RUBCN: variants seen among roughly 807,000 people sequenced by gnomAD.
RUBCN encodes the protein rubicon autophagy regulator, also known as run domain Beclin-1-interacting and cysteine-rich domain-containing protein.
Under a neutral mutation model 113.2 loss-of-function variants are expected in RUBCN, and 74 were observed. The ratio of observed to expected loss-of-function variants is 0.65; its 90% CI spans 0.54 to 0.79. The LOEUF (loss-of-function observed/expected upper bound fraction) is 0.79, where lower values mean the gene tolerates loss of function less well. Among genes scored for constraint, RUBCN ranks in the 30% least tolerant of loss-of-function variants. The probability of loss-of-function intolerance (pLI) is 0.00; values close to 1 mark genes in which losing one functional copy is unlikely to be tolerated. For missense variants in RUBCN, 1,109 were observed against 1,251.7 expected (o/e 0.89, Z 1.72); for synonymous variants, 480 against 490.0 (o/e 0.98, Z 0.27).
chr3:197,730,364 C>T (rs1010373979), intron 1 of RUBCN, among the ~76,000 whole-genome samples: 1 of 152,094 alleles, frequency 6.6e-6, no homozygotes, highest in Admixed American at 6.6e-5. Flanking sequence ...GAGTCAGCCC[C>T]GGGATTTTTG....
chr3:197,749,482 G>C (rs1728910737), exon 1 of RUBCN: 4 of 1,281,942 alleles, frequency 3.1e-6, no homozygotes, highest in Non-Finnish European at 4.1e-6. Context: ...GGAGGGGGGA[G>C]CTGGGATGCA....
chr3:197,703,429 A>T, intron 5 of RUBCN, 119 bp downstream of exon 5: 1 of 474,032 alleles, frequency 2.1e-6, no homozygotes, highest in Non-Finnish European at 3.9e-6. Context: ...AAAAAAAAAA[A>T]AAATGCAAGC....
chr3:197,682,677 G>A, intron 13 of RUBCN, 62 bp from the exon 14 acceptor site: 2 of 1,607,912 alleles, frequency 1.2e-6, no homozygotes, highest in Non-Finnish European at 1.7e-6. Flanking sequence ...CATCTGGTGA[G>A]ATGGGCAGTG....
Position 197,678,473 on chromosome 3 carries a change from C to G in RUBCN, c.2431-932G>C, listed in dbSNP as rs1378174079. Among the ~76,000 whole-genome samples, 4 of 151,826 alleles carry G rather than the reference C, an allele frequency of 2.6e-5. No individual in the cohort carries two copies. In the East Asian group the frequency reaches 7.8e-4, roughly 30 times the overall value. ...GCTCTAACTGACAACTGGCTTCAGA[C>G]TGTCCTACGCTCTAACTGACAACTG... On this transcript the variant is annotated intron_variant, in intron 16 of 19. Coordinates refer to ENST00000296343, the MANE Select transcript of RUBCN (RefSeq NM_014687.4).
chr3:197,681,225 C>A lies in RUBCN; in HGVS notation c.2334G>T (p.Lys778Asn). Residue 778 changes from lysine (K) to asparagine (N), a missense_variant, in exon 16 of 20, where the codon AAG becomes AAT. Transcript: ENST00000296343. This position sits in a 1 kb window ranked among gnomAD's most constrained non-coding sequence, Gnocchi z 5.5. ...CATTCCAGATCTTAATGAGCAGGTC[C>A]TTGGAGAAGTTGCTGACGTAGTACT... ...FSKYYVSNFS[K>N]DLLIKIWNDP... is the part of the protein sequence containing the mutation. 2 of 1,614,116 alleles carry A rather than the reference C, an allele frequency of 1.2e-6. No homozygotes were observed. The highest frequency in any genetic ancestry group is 1.7e-6 in the Non-Finnish European group (2 of 1,179,996).
At chr3:197,729,572 G>GT (rs1490127498) in intron 1 of RUBCN, among the ~76,000 whole-genome samples, 1 of 151,862 alleles carries the variant, frequency 6.6e-6, no homozygotes, top group Non-Finnish European at 1.5e-5. Flanking sequence ...GTTTTGTTCT[G>GT]TTTTTTGAGA....
intron 11 of RUBCN, chr3:197,691,164 G>T (rs1480443314): frequency 2.3e-5 from 28 of 1,203,394 alleles, no homozygotes; most frequent in Non-Finnish European, 3.0e-5. Flanking sequence ...TAATAATGAT[G>T]ATAAAAGGGG....
intron 1 of RUBCN, among the ~76,000 whole-genome samples, chr3:197,742,146 C>T (rs1409531967): frequency 6.6e-6 from 1 of 151,960 alleles, no homozygotes; most frequent in African/African-American, 2.4e-5. Context: ...CTGCCCACCT[C>T]GGCCTCCCAA....
chr3:197,736,559 C>A (rs1383215999), intron 1 of RUBCN, 96 bp downstream of exon 1: 7 of 1,271,096 alleles, frequency 5.5e-6, no homozygotes, highest in Non-Finnish European at 7.7e-6. Context: ...AGACTCGTCG[C>A]GCCCGGCCCT....
intron 1 of RUBCN, among the ~76,000 whole-genome samples, chr3:197,725,269 G>A (rs2108980847): frequency 6.6e-6 from 1 of 152,072 alleles, no homozygotes; most frequent in East Asian, 1.9e-4. Flanking sequence ...GAGGTAGCGA[G>A]AGACTATCAC....
rs1395641067 is a variant in RUBCN, at chr3:197,675,449, C to G, written c.2713G>C (p.Glu905Gln). ...QNEDDIIFPF[E>Q]LHKCRTCEEC... ...TCACAGGTCCGGCACTTATGGAGCT[C>G]AAAGGGAAAGATGATGTCATCCTCA... The change falls in exon 19 of 20, where the codon GAG (glutamate) becomes CAG (glutamine). Residue 905 changes from glutamate to glutamine, a missense_variant. By Grantham distance (29) the Glu-to-Gln change is conservative. Coordinates refer to ENST00000296343, the MANE Select transcript of RUBCN (RefSeq NM_014687.4). This position sits in a 1 kb window ranked among gnomAD's most constrained non-coding sequence, Gnocchi z 4.4. The G allele has an allele frequency of 1.9e-6, 3 of 1,613,904 alleles. No homozygotes were observed. The highest frequency in any genetic ancestry group is 2.5e-6 in the Non-Finnish European group (3 of 1,180,024).
intron 7 of RUBCN, 131 bp from the exon 8 acceptor site, chr3:197,697,180 C>T (rs1723108796): frequency 7.4e-6 from 5 of 673,212 alleles, no homozygotes; most frequent in Non-Finnish European, 1.4e-5. Flanking sequence ...AGGCGGCACA[C>T]CAACGGAACA....
At chr3:197,728,527 C>T (rs897602465) in intron 1 of RUBCN, among the ~76,000 whole-genome samples, 1 of 152,068 alleles carries the variant, frequency 6.6e-6, no homozygotes, top group African/African-American at 2.4e-5. Context: ...AGGAGAAATG[C>T]GAAGAAAGTG....
intron 2 of RUBCN, among the ~76,000 whole-genome samples, chr3:197,709,283 T>G (rs186847092): frequency 6.6e-6 from 1 of 152,148 alleles, no homozygotes. Flanking sequence ...GAACAAATGT[T>G]TGCATGTTGA....
chr3:197,681,414 A>G lies in RUBCN; in HGVS notation c.2192-47T>C. Reference sequence around the variant, plus strand: ...AAAGCCAGATGTAACTTTCCCATCTACAAGCTGGGAAGGCAGCTCTGCTTT... The same window carrying G: ...AAAGCCAGATGTAACTTTCCCATCTGCAAGCTGGGAAGGCAGCTCTGCTTT... On this transcript the variant is annotated intron_variant, in intron 15 of 19. Transcript: ENST00000296343. The surrounding 1 kb of genome is among the most constrained non-coding windows in gnomAD (Gnocchi z 5.5). 7.0e-7 allele frequency: 1 copy of G among 1,425,088 alleles called. No homozygotes were observed. The highest frequency in any genetic ancestry group is 9.9e-7 in the Non-Finnish European group (1 of 1,008,900). 88.3% of individuals were successfully genotyped at this position (1,425,088 alleles called of 1,614,324 possible). A position where few individuals can be genotyped will look rare whatever the true frequency, so the allele number is the denominator to read the frequency against.
rs965282671 is a variant in RUBCN at position 197,701,584 on chromosome 3, G to T, written c.727+124C>A. 2.8e-5 allele frequency: 22 copies of T among 790,482 alleles called. No homozygotes were observed. In the Admixed American group the frequency reaches 4.0e-4, roughly 15 times the overall value. The allele number at this position is 790,482 out of a possible 1,614,324, so 49.0% of individuals were successfully genotyped here. A position where few individuals can be genotyped will look rare whatever the true frequency, so the allele number is the denominator to read the frequency against. ...TAGTCACTATATAACTTGTAAAGAT[G>T]TCCCTTATTAAGAAAAACTACCAAC... is the stretch of plus-strand genomic sequence containing the variant. On this transcript the variant is annotated intron_variant, in intron 6 of 19. Coordinates refer to ENST00000296343, the MANE Select transcript of RUBCN (RefSeq NM_014687.4).
Position 197,705,173 on chromosome 3 carries a change from C to G in RUBCN, c.222G>C (p.Ala74=), listed in dbSNP as rs200804023. The part of the protein sequence containing the change: ...ILYHGLIRDQ[A]CRRQTDYWQF... ...GCCAGTAATCCGTCTGGCGGCGGCA[C>G]GCCTGCAAAGGGAACACATACAATG... Residue 74 remains alanine (A), a splice_region_variant and synonymous_variant, in exon 3 of 20, where the codon GCG becomes GCC. Coordinates refer to ENST00000296343, the MANE Select transcript of RUBCN (RefSeq NM_014687.4). 23 of 1,613,854 alleles carry G rather than the reference C, an allele frequency of 1.4e-5. No individual in the cohort carries two copies. The highest frequency in any genetic ancestry group is 1.9e-5 in the Non-Finnish European group (23 of 1,179,760).
In RUBCN at chr3:197,704,535, T is replaced by C. The variant is rs571097284; in HGVS notation, c.463+7A>G. 5 of 1,613,982 alleles carry C rather than the reference T, an allele frequency of 3.1e-6. No individual in the cohort carries two copies. Among genetic ancestry groups the C allele is most frequent in the South Asian group, 2.2e-5 (2 of 91,060 alleles). ...ACAGATGACAGTCCTAAGTGGCCTC[T>C]ACCTACCTGTGTAGAATTTTCTGAT... On this transcript the variant is annotated splice_region_variant and intron_variant, in intron 4 of 19. Transcript: ENST00000296343.
At chr3:197,736,963 C>A (rs919701974), upstream of RUBCN, 2 of 1,288,534 alleles carry the variant, frequency 1.6e-6, no homozygotes, top group Admixed American at 4.4e-5. Flanking sequence ...CTAGGCCGCT[C>A]CCGCAGGACG....
Sources: gnomAD v4.1 joint callset for allele counts (sites outside exome capture counted in the v4.1 genomes callset) on GRCh38, gnomAD v4.1.1 for gene constraint, Gnocchi (gnomAD v3.1) non-coding constraint, MANE v1.5 for transcripts, NCBI Gene and HGNC (gene_info 2026-07-23, HGNC 2026-07-21) for gene names.